The following PREP variants were observed in gnomAD, a reference collection of about 807,000 sequenced individuals.
PREP encodes dJ355L5.1 (prolyl endopeptidase).
A neutral mutation model predicts 87.6 loss-of-function variants in PREP; 29 were observed. That is an observed-to-expected ratio of 0.33 (90% CI 0.25 to 0.45). The LOEUF (loss-of-function observed/expected upper bound fraction) is 0.45. Among genes scored for constraint, PREP ranks in the 20% least tolerant of loss-of-function variants. The pLI is 1.00. For missense variants in PREP, 695 were observed against 886.5 expected (o/e 0.78, Z 2.74); for synonymous variants, 337 against 328.6 (o/e 1.03, Z -0.28).
At chr6:105,288,598 C>G (rs1187275784) in intron 11 of PREP, among the ~76,000 whole-genome samples, 160 bp downstream of exon 11, 1 of 152,192 alleles carries the variant, frequency 6.6e-6, no homozygotes, top group Non-Finnish European at 1.5e-5. Flanking sequence ...CTCAGGTGAT[C>G]CGCCTGCCTC....
At chr6:105,293,873 C>T (rs910447845) in intron 10 of PREP, among the ~76,000 whole-genome samples, 3 of 152,158 alleles carry the variant, frequency 2.0e-5, no homozygotes, top group Admixed American at 2.0e-4. Context: ...TTCAAAACAG[C>T]CTAGGCATTT....
chr6:105,349,304 C>T (rs1771880010), intron 7 of PREP, among the ~76,000 whole-genome samples: 1 of 152,184 alleles, frequency 6.6e-6, no homozygotes, highest in Non-Finnish European at 1.5e-5. Context: ...AGAGACAGCA[C>T]TCCCATAAGG....
intron 10 of PREP, among the ~76,000 whole-genome samples, chr6:105,297,783 G>A (rs1770439708): frequency 6.6e-6 from 1 of 152,202 alleles, no homozygotes; most frequent in Non-Finnish European, 1.5e-5. Flanking sequence ...CAGAGTAAAT[G>A]AGTTGTACAA....
Position 105,322,381 on chromosome 6 carries a change from G to T in PREP, c.1317+1284C>A, listed in dbSNP as rs1771033916. 6.3e-6 allele frequency: 6 copies of T among 948,144 alleles called. No homozygotes were observed. In the Admixed American group the frequency reaches 3.7e-4, roughly 59 times the overall value. The allele number at this position is 948,144 out of a possible 1,614,324, so 58.7% of individuals were successfully genotyped here. On this transcript the variant is annotated intron_variant, in intron 10 of 14. Coordinates refer to ENST00000652536, the MANE Select transcript of PREP (RefSeq NM_002726.5). ...AATCCCACAGGAATCCTAAAAAACA[G>T]ATACTATCAATCTCTACTTTACAGT... is the stretch of plus-strand genomic sequence containing the variant.
At chr6:105,325,498 T>C (rs1298437036) in intron 9 of PREP, among the ~76,000 whole-genome samples, 2 of 152,158 alleles carry the variant, frequency 1.3e-5, no homozygotes, top group Non-Finnish European at 2.9e-5. Context: ...ATGAAATAAA[T>C]ATGCAACAGG....
At chr6:105,395,665 A>G (rs1773270382) in intron 2 of PREP, among the ~76,000 whole-genome samples, 2 of 152,256 alleles carry the variant, frequency 1.3e-5, no homozygotes, top group Non-Finnish European at 2.9e-5. Context: ...ATATCCACTA[A>G]TAAGTGGCTT....
chr6:105,372,885 G>C (rs1014879297), intron 5 of PREP, among the ~76,000 whole-genome samples: 3 of 152,128 alleles, frequency 2.0e-5, no homozygotes, highest in African/African-American at 7.2e-5. Context: ...TTGAAAAGGG[G>C]CTGGCCCTCT....
At chr6:105,356,779 CAGG>C (rs1018301108) in intron 6 of PREP, among the ~76,000 whole-genome samples, 8 of 152,194 alleles carry the variant, frequency 5.3e-5, no homozygotes, top group African/African-American at 1.9e-4. Flanking sequence ...CTGTGTACAG[CAGG>C]AGGACTAGTC....
At chr6:105,334,746 C>T (rs996356396) in intron 7 of PREP, among the ~76,000 whole-genome samples, 66 of 107,662 alleles carry the variant, frequency 6.1e-4, no homozygotes, top group African/African-American at 3.4e-3. Context: ...AACAGAGATG[C>T]GGTCTCTCCA....
intron 7 of PREP, among the ~76,000 whole-genome samples, chr6:105,335,050 C>G (rs1771444176): frequency 6.6e-6 from 1 of 152,132 alleles, no homozygotes; most frequent in South Asian, 2.1e-4. Flanking sequence ...GTCTTTAATA[C>G]TAAGAACTAG....
chr6:105,327,494 ACAT>A (rs1771197718), intron 9 of PREP, among the ~76,000 whole-genome samples: 1 of 152,084 alleles, frequency 6.6e-6, no homozygotes, highest in Non-Finnish European at 1.5e-5. Flanking sequence ...TATTTACAGA[ACAT>A]CATTCTTTTG....
intron 6 of PREP, 51 bp from the exon 7 acceptor site, chr6:105,353,128 T>G: frequency 7.1e-7 from 1 of 1,411,086 alleles, no homozygotes; most frequent in Non-Finnish European, 9.9e-7. Flanking sequence ...TTTATTTTTG[T>G]GAGAACATTA....
rs570465807 is a variant in PREP, at chr6:105,332,289, T to C, written c.1015+1025A>G. ...GAGAGAAGCAGCTGGAATCAGCTGC[T>C]CCCCTGCCACCCCCAAGCAACGCTA... On this transcript the variant is annotated intron_variant, in intron 8 of 14. Transcript: ENST00000652536. Among the ~76,000 whole-genome samples, 5 of 151,850 alleles carry C rather than the reference T, an allele frequency of 3.3e-5. No individual in the cohort carries two copies. The East Asian group carries it at 9.7e-4, about 29-fold the overall frequency.
At chr6:105,299,766 G>C (rs752671001) in intron 10 of PREP, among the ~76,000 whole-genome samples, 2 of 152,084 alleles carry the variant, frequency 1.3e-5, no homozygotes, top group Non-Finnish European at 2.9e-5. Flanking sequence ...ACAAAATGTT[G>C]AAAGTGTTAG....
At chr6:105,394,523 G>C (rs1187595704) in intron 2 of PREP, among the ~76,000 whole-genome samples, 1 of 152,072 alleles carries the variant, frequency 6.6e-6, no homozygotes, top group Non-Finnish European at 1.5e-5. Flanking sequence ...AGAGAAAATA[G>C]AATTATCACT....
intron 8 of PREP, among the ~76,000 whole-genome samples, chr6:105,333,086 C>A (rs1228324025): frequency 6.6e-6 from 1 of 152,164 alleles, no homozygotes; most frequent in Admixed American, 6.5e-5. Context: ...GAAATCCTAT[C>A]TTTACAATTT....
At chr6:105,381,475 T>C (rs1265540596) in intron 2 of PREP, among the ~76,000 whole-genome samples, 1 of 151,740 alleles carries the variant, frequency 6.6e-6, no homozygotes, top group Non-Finnish European at 1.5e-5. Flanking sequence ...AAAAAGAAAA[T>C]GGAAGTGTTA....
intron 10 of PREP, among the ~76,000 whole-genome samples, chr6:105,289,525 T>C (rs115008643): frequency 0.023 from 3,499 of 152,290 alleles, 52 homozygotes; most frequent in Middle Eastern, 0.058. Context: ...TTCTCTCCAC[T>C]ATTGATAATT....
At chr6:105,367,826 T>C (rs553345013) in intron 6 of PREP, among the ~76,000 whole-genome samples, 4 of 152,330 alleles carry the variant, frequency 2.6e-5, no homozygotes, top group African/African-American at 9.6e-5. Context: ...CGGACTTCTG[T>C]GGCAATTACT....
Sources: gnomAD v4.1 joint callset for allele counts (sites outside exome capture counted in the v4.1 genomes callset) on GRCh38, gnomAD v4.1.1 for gene constraint, MANE v1.5 for transcripts, NCBI Gene and HGNC (gene_info 2026-07-23, HGNC 2026-07-21) for gene names.